Variants in MSH3 observed in about 807,000 individuals in gnomAD.
MSH3 encodes the protein DNA mismatch repair protein Msh3.
MSH3 carries 106 observed loss-of-function variants against 123.3 expected under a neutral mutation model. That is an observed-to-expected ratio of 0.86 (90% CI 0.73 to 1.01). The LOEUF is 1.01. Ranked by LOEUF, MSH3 falls within the 50% of genes least tolerant of loss-of-function variation. The pLI is 0.00. For synonymous variants in MSH3, 515 were observed against 481.4 expected, an observed-to-expected ratio of 1.07 and a Z score of -0.91; for missense variants, 1,459 against 1,347.6, an observed-to-expected ratio of 1.08 and a Z score of -1.29.
chr5:80,791,078 C>A (rs926928778), intron 18 of MSH3, among the ~76,000 whole-genome samples: 20 of 152,202 alleles, frequency 1.3e-4, no homozygotes, highest in Admixed American at 1.3e-3. Flanking sequence ...CCTGGACTGT[C>A]CTGTTTTGCT....
chr5:80,682,414 T>A (rs191014990), intron 8 of MSH3, among the ~76,000 whole-genome samples: 58 of 152,162 alleles, frequency 3.8e-4, no homozygotes, highest in African/African-American at 1.1e-3. Flanking sequence ...GTTTTTTTTT[T>A]TATATTTTAA....
intron 22 of MSH3, 69 bp from the exon 23 acceptor site, chr5:80,873,047 G>A: frequency 7.5e-7 from 1 of 1,340,282 alleles, no homozygotes; most frequent in South Asian, 1.2e-5. Context: ...GAACTTACAT[G>A]TCCTTTTTAA....
At chr5:80,822,239 A>T (rs145858375) in intron 20 of MSH3, among the ~76,000 whole-genome samples, 166 of 152,366 alleles carry the variant, frequency 1.1e-3, no homozygotes, top group African/African-American at 3.8e-3. Flanking sequence ...AGAATCAGAC[A>T]TGTTATACTT....
At chr5:80,709,209 A>ATG (rs139977038) in intron 8 of MSH3, among the ~76,000 whole-genome samples, 12,042 of 146,912 alleles carry the variant, frequency 0.082, 501 homozygotes, top group South Asian at 0.11. Context: ...TAAAATAGAT[A>ATG]TGTGTGTGTG....
intron 6 of MSH3, among the ~76,000 whole-genome samples, chr5:80,674,563 T>C (rs568172393): frequency 1.3e-5 from 2 of 152,294 alleles, no homozygotes; most frequent in Admixed American, 1.3e-4. Context: ...TGTACTCCAC[T>C]AAGCCCTTTG....
At chr5:80,813,515 T>G in intron 19 of MSH3, 69 bp from the exon 20 acceptor site, 792 of 1,471,402 alleles carry the variant, frequency 5.4e-4, no homozygotes, top group Non-Finnish European at 6.8e-4. Context: ...TTTCCACTTA[T>G]GAGATAAATT....
rs771439854 is a variant in MSH3 at position 80,728,933 on chromosome 5, AT to A, written c.1538del (p.Phe513SerfsTer23). The A allele has an allele frequency of 4.3e-6, 7 of 1,610,770 alleles. No homozygotes were observed. The South Asian group carries it at 7.7e-5, about 18-fold the overall frequency. On this transcript the variant is annotated frameshift_variant, in exon 10 of 24. Transcript: ENST00000265081. LOFTEE classifies it high-confidence loss of function. The part of the protein sequence containing the change: ...LAAIIKYLKE[F>X]NLEKMLSKPE... The stretch of plus-strand genomic sequence containing the variant: ...CTGCCATCATAAAATACCTCAAAGA[AT>A]TCAACTTGGAAAAGATGCTCTCCAA...
intron 3 of MSH3, among the ~76,000 whole-genome samples, chr5:80,667,944 G>A (rs1749608381): frequency 6.6e-6 from 1 of 152,156 alleles, no homozygotes; most frequent in Admixed American, 6.5e-5. Flanking sequence ...CCTGCCATTC[G>A]GTGGGTCCCA....
intron 8 of MSH3, among the ~76,000 whole-genome samples, chr5:80,684,486 G>A (rs748743549): frequency 6.6e-6 from 1 of 152,116 alleles, no homozygotes; most frequent in Non-Finnish European, 1.5e-5. Flanking sequence ...TTCACTGTTA[G>A]CATATAGAAA....
chr5:80,716,042 G>A (rs943558552), intron 8 of MSH3, among the ~76,000 whole-genome samples: 2 of 152,178 alleles, frequency 1.3e-5, no homozygotes, highest in Admixed American at 6.5e-5. Flanking sequence ...TGGTACAAGG[G>A]CTTGAGGGGT....
At position 80,654,690 on chromosome 5, in the gene MSH3, G is replaced by A. The variant is rs775797371; in HGVS notation, c.-38G>A. ...CTGCGGCCGCGGGCTCGCGCTCCTC[G>A]CCAGGCCCTGCCGCCGGGCTGCCAT... On this transcript the variant is annotated 5_prime_UTR_variant, in exon 1 of 24. Transcript: ENST00000265081. The A allele has an allele frequency of 1.7e-5, 27 of 1,563,780 alleles. No homozygotes were observed. The highest frequency in any genetic ancestry group is 2.2e-5 in the Non-Finnish European group (26 of 1,155,786).
At chr5:80,675,556 A>G (rs1749822158) in intron 7 of MSH3, among the ~76,000 whole-genome samples, 1 of 152,164 alleles carries the variant, frequency 6.6e-6, no homozygotes, top group Non-Finnish European at 1.5e-5. Flanking sequence ...AAACAACCAG[A>G]TATTGTGAGA....
chr5:80,748,719 CACACACACA>C (rs774561666), intron 12 of MSH3, among the ~76,000 whole-genome samples: 1 of 151,364 alleles, frequency 6.6e-6, no homozygotes, highest in African/African-American at 2.4e-5. Flanking sequence ...CACACACACA[CACACACACA>C]CACACCCATA....
At chr5:80,865,477 ACTT>A (rs546878584) in intron 22 of MSH3, among the ~76,000 whole-genome samples, 156 of 152,290 alleles carry the variant, frequency 1.0e-3, no homozygotes, top group African/African-American at 3.6e-3. Context: ...CCTAGAATTC[ACTT>A]CTTCTGCTTC....
At chr5:80,847,419 AT>A (rs5869057) in intron 20 of MSH3, among the ~76,000 whole-genome samples, 18,719 of 150,902 alleles carry the variant, frequency 0.12, 1,486 homozygotes, top group East Asian at 0.35. Context: ...TTGGTGGCAA[AT>A]TTTTTTAGTT....
intron 8 of MSH3, among the ~76,000 whole-genome samples, chr5:80,693,979 G>A (rs1356225417): frequency 6.6e-6 from 1 of 152,100 alleles, no homozygotes; most frequent in African/African-American, 2.4e-5. Flanking sequence ...AACTTATAAA[G>A]CAATGGTAAG....
In MSH3 at chr5:80,809,915, G is replaced by T. The variant is rs141188549; in HGVS notation, c.2656-3669G>T. On this transcript the variant is annotated intron_variant, in intron 19 of 23. Coordinates refer to ENST00000265081, the MANE Select transcript of MSH3 (RefSeq NM_002439.5). ...TAAGAAAATTTATTTGATTTTTTAT[G>T]ATTTCAGCCAATGAAAAAGTATATA... Among the ~76,000 whole-genome samples the T allele has an allele frequency of 4.2e-3, 643 of 152,034 alleles. 5 individuals are homozygous for T. The highest frequency in any genetic ancestry group is 0.014 in the African/African-American group (592 of 41,478).
chr5:80,814,289 G>A (rs11954436), intron 20 of MSH3, among the ~76,000 whole-genome samples: 2,005 of 151,534 alleles, frequency 0.013, 41 homozygotes, highest in African/African-American at 0.047. Flanking sequence ...ATTATTATTT[G>A]AGATGGAGTT....
intron 2 of MSH3, among the ~76,000 whole-genome samples, chr5:80,658,035 C>CCTTTTTTTTTTTT (rs369384745): frequency 1.1e-5 from 1 of 87,216 alleles, no homozygotes; most frequent in African/African-American, 5.2e-5. Context: ...GCTTTTTGCC[C>CCTTTTTTTTTTTT]TCTTTTTTTT....
Sources: allele counts gnomAD v4.1 joint callset (sites outside exome capture counted in the v4.1 genomes callset), GRCh38; gene constraint gnomAD v4.1.1; transcripts MANE v1.5; gene names NCBI Gene and HGNC (gene_info 2026-07-23, HGNC 2026-07-21).